The following SMYD3 variants were observed in gnomAD, a reference collection of about 807,000 sequenced individuals.
SMYD3 encodes the protein histone-lysine N-methyltransferase SMYD3.
In SMYD3, 36 loss-of-function variants were observed where a neutral mutation model predicts 57.7. That is an observed-to-expected ratio of 0.62 (90% CI 0.48 to 0.82). SMYD3 has a LOEUF of 0.82. SMYD3 is among the 40% of genes least tolerant of loss of function. SMYD3 has a pLI of 0.00. For missense variants in SMYD3, 515 were observed against 538.8 expected, an observed-to-expected ratio of 0.96 and a Z score of 0.44; for synonymous variants, 211 against 195.0, an observed-to-expected ratio of 1.08 and a Z score of -0.68.
At chr1:245,841,698 G>A (rs1458399767) in intron 10 of SMYD3, among the ~76,000 whole-genome samples, 4 of 152,276 alleles carry the variant, frequency 2.6e-5, no homozygotes, top group South Asian at 2.1e-4. Flanking sequence ...TGTCACATAT[G>A]AAATGCCAAA....
At chr1:245,946,703 A>T (rs1193695673) in intron 5 of SMYD3, among the ~76,000 whole-genome samples, 1 of 152,232 alleles carries the variant, frequency 6.6e-6, no homozygotes. Context: ...ACAGTGTTGT[A>T]CACTAGACCC....
intron 5 of SMYD3, among the ~76,000 whole-genome samples, chr1:246,099,593 G>T (rs985625808): frequency 7.2e-5 from 11 of 152,102 alleles, no homozygotes; most frequent in African/African-American, 2.2e-4. Context: ...CCAACATTAT[G>T]ATGTCAATAA....
chr1:246,113,689 A>AC (rs1476003504), intron 5 of SMYD3: 1 of 152,198 alleles, frequency 6.6e-6, no homozygotes, highest in African/African-American at 2.4e-5. Flanking sequence ...TCTCCCACAG[A>AC]CAGGGAGGTT....
chr1:245,921,547 G>GTACATATATATATATATATATA (rs1491323831), intron 7 of SMYD3, among the ~76,000 whole-genome samples: 61 of 35,098 alleles, frequency 1.7e-3, no homozygotes, highest in African/African-American at 3.7e-3. Context: ...AAAAAATGTG[G>GTACATATATATATATATATATA]TGTATATATA....
intron 4 of SMYD3, among the ~76,000 whole-genome samples, chr1:246,327,975 C>T (rs1267563900): frequency 6.6e-6 from 1 of 152,150 alleles, no homozygotes; most frequent in African/African-American, 2.4e-5. Flanking sequence ...GGGCAGATCA[C>T]TTGAGGTCAG....
intron 5 of SMYD3, among the ~76,000 whole-genome samples, chr1:246,057,757 C>T (rs2060177924): frequency 6.6e-6 from 1 of 152,052 alleles, no homozygotes; most frequent in Admixed American, 6.6e-5. Context: ...TGTTATTTAC[C>T]CAAAGGAGTT....
intron 5 of SMYD3, among the ~76,000 whole-genome samples, chr1:245,964,540 C>A (rs548716778): frequency 6.6e-6 from 1 of 151,958 alleles, no homozygotes; most frequent in East Asian, 1.9e-4. Flanking sequence ...TGGAATCATT[C>A]GACAAGAAAA....
chr1:245,775,649 A>C (rs1572301892), intron 10 of SMYD3, among the ~76,000 whole-genome samples: 1 of 151,338 alleles, frequency 6.6e-6, no homozygotes, highest in East Asian at 1.9e-4. Flanking sequence ...CCTTCCCTCC[A>C]CTATTGTCCT....
intron 8 of SMYD3, among the ~76,000 whole-genome samples, chr1:245,913,251 C>G (rs955383045): frequency 3.3e-5 from 5 of 151,728 alleles, no homozygotes; most frequent in Non-Finnish European, 7.4e-5. Flanking sequence ...TCTCAGCAAA[C>G]TATCGCAAGG....
intron 1 of SMYD3, among the ~76,000 whole-genome samples, chr1:246,485,141 T>A (rs1303024835): frequency 6.6e-6 from 1 of 151,856 alleles, no homozygotes; most frequent in East Asian, 1.9e-4. Flanking sequence ...TGAAAACACA[T>A]GACTTCAACC....
chr1:245,981,710 G>A (rs2058600522), intron 5 of SMYD3, among the ~76,000 whole-genome samples: 1 of 152,226 alleles, frequency 6.6e-6, no homozygotes, highest in Non-Finnish European at 1.5e-5. Flanking sequence ...TTCTGAGAAT[G>A]ATCCTTTAAT....
chr1:245,964,038 T>C (rs575759287), intron 5 of SMYD3, among the ~76,000 whole-genome samples: 54 of 152,316 alleles, frequency 3.5e-4, no homozygotes, highest in African/African-American at 1.3e-3. Flanking sequence ...CTGCAGGCCA[T>C]ACATGAAGCA....
intron 11 of SMYD3, among the ~76,000 whole-genome samples, chr1:245,756,186 TAC>T (rs970003099): frequency 1.3e-5 from 2 of 149,820 alleles, no homozygotes; most frequent in African/African-American, 2.4e-5. Flanking sequence ...TATGTATATA[TAC>T]AGATATATAT....
At chr1:246,032,402 A>G (rs2059693872) in intron 5 of SMYD3, among the ~76,000 whole-genome samples, 1 of 152,134 alleles carries the variant, frequency 6.6e-6, no homozygotes, top group Non-Finnish European at 1.5e-5. Flanking sequence ...TAACACACCA[A>G]TAATTGATAG....
At chr1:246,264,936 TG>T (rs773220490) in intron 5 of SMYD3, among the ~76,000 whole-genome samples, 77 of 152,246 alleles carry the variant, frequency 5.1e-4, no homozygotes, top group Non-Finnish European at 8.1e-4. Flanking sequence ...TATTACGAGA[TG>T]AACAAATTTA....
chr1:246,189,602 T>C lies in SMYD3; in HGVS notation c.531+137599A>G, dbSNP rs79552567. The stretch of plus-strand genomic sequence containing the variant: ...GGCTAAAGAAGTGATTTTTAATGGA[T>C]ATACTCTGGGAGAAATTCTCAACTA... On this transcript the variant is annotated intron_variant, in intron 5 of 11. Transcript: ENST00000490107. Among the ~76,000 whole-genome samples, 58 of 152,320 alleles carry C rather than the reference T, an allele frequency of 3.8e-4. 1 individual carries two copies. The highest frequency in any genetic ancestry group is 6.3e-4 in the Non-Finnish European group (43 of 68,024).
intron 5 of SMYD3, among the ~76,000 whole-genome samples, chr1:245,990,544 G>T (rs1406084739): frequency 6.6e-6 from 1 of 152,174 alleles, no homozygotes; most frequent in Non-Finnish European, 1.5e-5. Flanking sequence ...CACAAACTAG[G>T]AGTAGATTTG....
intron 5 of SMYD3, among the ~76,000 whole-genome samples, chr1:246,151,717 C>G (rs1452712458): frequency 6.6e-6 from 1 of 152,092 alleles, no homozygotes; most frequent in Non-Finnish European, 1.5e-5. Context: ...CTTTAAGGCC[C>G]GTTTCAACCC....
At chr1:246,256,335 C>G (rs923041214) in intron 5 of SMYD3, among the ~76,000 whole-genome samples, 2 of 152,174 alleles carry the variant, frequency 1.3e-5, no homozygotes, top group Non-Finnish European at 2.9e-5. Flanking sequence ...TCTCTTTTGG[C>G]AACACCCTCA....
Sources: gnomAD v4.1 joint callset for allele counts (sites outside exome capture counted in the v4.1 genomes callset) on GRCh38, gnomAD v4.1.1 for gene constraint, MANE v1.5 for transcripts, NCBI Gene and HGNC (gene_info 2026-07-23, HGNC 2026-07-21) for gene names.